PCDHA12: variants seen among roughly 807,000 people sequenced by gnomAD.
The protein encoded by PCDHA12 is protocadherin alpha-12.
PCDHA12 carries 44 observed loss-of-function variants against 60.0 expected under a neutral mutation model. The observed-to-expected ratio is 0.73, with a 90% CI of 0.58 to 0.94. PCDHA12 has a LOEUF of 0.94. Ranked by LOEUF, PCDHA12 falls within the 40% of genes least tolerant of loss-of-function variation. The pLI is 0.00. For missense variants in PCDHA12, 1,276 were observed against 1,239.7 expected, an observed-to-expected ratio of 1.03 and a Z score of -0.44; for synonymous variants, 569 against 553.0, an observed-to-expected ratio of 1.03 and a Z score of -0.40.
chr5:140,933,938 T>C (rs1275274532), intron 1 of PCDHA12, among the ~76,000 whole-genome samples: 1 of 152,108 alleles, frequency 6.6e-6, no homozygotes, highest in Non-Finnish European at 1.5e-5. Context: ...TGACTTTTTT[T>C]CACATCTGCA....
intron 1 of PCDHA12, among the ~76,000 whole-genome samples, chr5:140,901,280 T>G (rs1554189719): frequency 1.3e-5 from 2 of 152,132 alleles, no homozygotes. Context: ...CTCAAGAAAT[T>G]TTTGCCCAGA....
intron 1 of PCDHA12, among the ~76,000 whole-genome samples, chr5:140,943,004 C>T (rs1248261862): frequency 6.6e-6 from 1 of 151,842 alleles, no homozygotes; most frequent in East Asian, 1.9e-4. Context: ...TGCCTGTAAT[C>T]CCAGCACTTT....
chr5:140,984,386 A>G (rs2097099955), intron 3 of PCDHA12, among the ~76,000 whole-genome samples: 1 of 152,202 alleles, frequency 6.6e-6, no homozygotes, highest in South Asian at 2.1e-4. Flanking sequence ...TTCAGATTCA[A>G]AAAATGTTGA....
At chr5:140,902,509 A>G (rs1242435474) in intron 1 of PCDHA12, among the ~76,000 whole-genome samples, 2 of 152,056 alleles carry the variant, frequency 1.3e-5, no homozygotes, top group Non-Finnish European at 2.9e-5. Context: ...TGAGTCTGTC[A>G]TATATGGTTT....
At chr5:140,954,237 A>G (rs1442141242) in intron 1 of PCDHA12, among the ~76,000 whole-genome samples, 14 of 152,338 alleles carry the variant, frequency 9.2e-5, no homozygotes, top group Middle Eastern at 3.4e-3. Flanking sequence ...TAGTGCTGCA[A>G]TGAACATACA....
chr5:140,973,481 G>A (rs537904841), intron 1 of PCDHA12, among the ~76,000 whole-genome samples: 2 of 152,208 alleles, frequency 1.3e-5, no homozygotes, highest in East Asian at 3.9e-4. Context: ...ATTTCATATT[G>A]GTCACAGGAC....
intron 1 of PCDHA12, among the ~76,000 whole-genome samples, chr5:140,920,933 C>G (rs1293177470): frequency 6.6e-6 from 1 of 151,360 alleles, no homozygotes; most frequent in Non-Finnish European, 1.5e-5. Flanking sequence ...GGTGATCTAG[C>G]CCTTTCATTC....
At chr5:140,921,353 A>G (rs943655623) in intron 1 of PCDHA12, among the ~76,000 whole-genome samples, 5 of 152,160 alleles carry the variant, frequency 3.3e-5, no homozygotes, top group Non-Finnish European at 5.9e-5. Flanking sequence ...ATATTTGCCT[A>G]TATTCAAGTT....
intron 1 of PCDHA12, among the ~76,000 whole-genome samples, chr5:140,931,054 G>A (rs2087273007): frequency 6.6e-6 from 1 of 152,180 alleles, no homozygotes; most frequent in Admixed American, 6.5e-5. Context: ...CTTCAATGCT[G>A]TGTCTGGGAC....
chr5:140,939,634 G>T (rs1032922800), intron 1 of PCDHA12, among the ~76,000 whole-genome samples: 12 of 152,184 alleles, frequency 7.9e-5, no homozygotes, highest in South Asian at 4.1e-4. Flanking sequence ...AATCAATAAG[G>T]GTACTGAAAA....
At chr5:140,972,334 A>G (rs2153793460) in intron 1 of PCDHA12, among the ~76,000 whole-genome samples, 1 of 151,024 alleles carries the variant, frequency 6.6e-6, no homozygotes, top group Admixed American at 6.6e-5. Flanking sequence ...TTTTTGGAAG[A>G]GATGGGGGTC....
At chr5:141,003,432 C>T (rs1175854943) in intron 3 of PCDHA12, among the ~76,000 whole-genome samples, 1 of 152,124 alleles carries the variant, frequency 6.6e-6, no homozygotes, top group African/African-American at 2.4e-5. Context: ...ATGCCTCAGC[C>T]TCCCAAGTAG....
At chr5:140,935,253 A>G (rs1469038997) in intron 1 of PCDHA12, among the ~76,000 whole-genome samples, 1 of 152,226 alleles carries the variant, frequency 6.6e-6, no homozygotes, top group Non-Finnish European at 1.5e-5. Flanking sequence ...GATAAAATAC[A>G]TCACATGTTT....
At position 140,993,460 on chromosome 5, in the gene PCDHA12, T is replaced by TCACACA. The variant is rs1554253699; in HGVS notation, c.2515+10898_2515+10899insACACAC. ...TTCATTCCTGTTCTCCTTCTTTCTT[T>TCACACA]CTCACACACACACACACACACACAC... On this transcript the variant is annotated intron_variant, in intron 3 of 3. Transcript: ENST00000398631. Among the ~76,000 whole-genome samples, 49 of 104,564 alleles carry TCACACA rather than the reference T, an allele frequency of 4.7e-4. 1 individual carries two copies. Among genetic ancestry groups the TCACACA allele is most frequent in the Admixed American group, 1.8e-3 (15 of 8,460 alleles). 68.6% of individuals were successfully genotyped at this position (104,564 alleles called of 152,430 possible).
chr5:140,875,760 C>A lies in PCDHA12; in HGVS notation c.288C>A (p.Cys96Ter), dbSNP rs781811926. 1.2e-6 allele frequency: 2 copies of A among 1,614,200 alleles called. No individual in the cohort carries two copies. Among genetic ancestry groups the A allele is most frequent in the Non-Finnish European group, 1.7e-6 (2 of 1,180,048 alleles). Residue 96 changes from cysteine (C) to a stop codon, truncating the protein, a stop_gained, in exon 1 of 4, where the codon TGC (cysteine) becomes TGA (stop). Coordinates refer to ENST00000398631, the MANE Select transcript of PCDHA12 (RefSeq NM_018903.4). LOFTEE classifies it high-confidence loss of function. ...CTCGGATCGACCGCGAGAAGCTGTG[C>A]GGGCGGAGCGCGGAGTGCAGTATCC... ...VNSRIDREKL[C>*]GRSAECSIHL...
intron 2 of PCDHA12, 73 bp downstream of exon 2, chr5:140,979,080 A>T: frequency 1.3e-6 from 2 of 1,572,720 alleles, no homozygotes; most frequent in Non-Finnish European, 1.7e-6. Context: ...GCATCTCCAT[A>T]GGCCAGAAGC....
intron 1 of PCDHA12, chr5:140,968,754 G>A (rs782271569): frequency 1.2e-5 from 19 of 1,614,052 alleles, no homozygotes; most frequent in South Asian, 2.2e-5. Context: ...GTGGTGGTCC[G>A]AGATAATGGA....
chr5:140,887,309 G>T (rs2061400609), intron 1 of PCDHA12, among the ~76,000 whole-genome samples: 1 of 152,182 alleles, frequency 6.6e-6, no homozygotes, highest in South Asian at 2.1e-4. Flanking sequence ...TGTTAGCCAG[G>T]ATAGTCTCGA....
chr5:140,900,276 A>G (rs1228583402), intron 1 of PCDHA12, among the ~76,000 whole-genome samples: 1 of 151,558 alleles, frequency 6.6e-6, no homozygotes, highest in Non-Finnish European at 1.5e-5. Context: ...TATATGTACC[A>G]CACTTTCTTT....
Sources: gnomAD v4.1 joint callset for allele counts (sites outside exome capture counted in the v4.1 genomes callset) on GRCh38, gnomAD v4.1.1 for gene constraint, MANE v1.5 for transcripts, NCBI Gene and HGNC (gene_info 2026-07-23, HGNC 2026-07-21) for gene names.